TTL: variants seen among roughly 807,000 people sequenced by gnomAD.
The protein encoded by TTL is tubulin tyrosine ligase, also known as tubulin--tyrosine ligase.
In TTL, 10 loss-of-function variants were observed where a neutral mutation model predicts 41.1. That is an observed-to-expected ratio of 0.24 (90% CI 0.15 to 0.41). TTL has a LOEUF of 0.41. Among genes scored for constraint, TTL ranks in the 10% least tolerant of loss-of-function variants. The pLI, the probability that TTL is intolerant of heterozygous loss-of-function variation, is 1.00. For synonymous variants in TTL, 175 were observed against 175.5 expected (o/e 1.00, Z 0.02); for missense variants, 367 against 460.4 (o/e 0.80, Z 1.86).
At chr2:112,491,145 C>A (rs532971541) in intron 2 of TTL, among the ~76,000 whole-genome samples, 1 of 152,204 alleles carries the variant, frequency 6.6e-6, no homozygotes, top group African/African-American at 2.4e-5. Context: ...GCAACTGCCA[C>A]CACACCCGGC....
chr2:112,502,811 T>C, intron 4 of TTL, 101 bp from the exon 5 acceptor site: 1 of 1,382,408 alleles, frequency 7.2e-7, no homozygotes, highest in Non-Finnish European at 9.8e-7. Flanking sequence ...CTCCCACTCC[T>C]TACCTACCCC....
At chr2:112,488,682 T>G (rs1355865738) in intron 2 of TTL, among the ~76,000 whole-genome samples, 2 of 149,136 alleles carry the variant, frequency 1.3e-5, no homozygotes, top group Admixed American at 6.7e-5. Flanking sequence ...CGCTTGAACC[T>G]GAGAGGTGGA....
At chr2:112,522,725 C>G (rs529469052) in intron 6 of TTL, among the ~76,000 whole-genome samples, 4 of 152,336 alleles carry the variant, frequency 2.6e-5, no homozygotes, top group South Asian at 2.1e-4. Context: ...CTGCTCCCCC[C>G]AGAGACTAAG....
intron 5 of TTL, among the ~76,000 whole-genome samples, chr2:112,509,286 C>T (rs1343130764): frequency 6.7e-6 from 1 of 149,628 alleles, no homozygotes; most frequent in Non-Finnish European, 1.5e-5. Context: ...GTGCCCTGCC[C>T]CCAGAGGTGG....
chr2:112,488,130 C>G (rs1353447570), intron 2 of TTL, among the ~76,000 whole-genome samples: 1 of 152,264 alleles, frequency 6.6e-6, no homozygotes, highest in East Asian at 1.9e-4. Context: ...CAGGGAGTTT[C>G]GGAAATTTCA....
chr2:112,524,517 G>A (rs1399894969), intron 6 of TTL, among the ~76,000 whole-genome samples: 2 of 152,130 alleles, frequency 1.3e-5, no homozygotes, highest in Admixed American at 1.3e-4. Context: ...TCTCATTGTG[G>A]TTTTGATTTG....
intron 6 of TTL, among the ~76,000 whole-genome samples, chr2:112,523,500 G>A (rs1222301098): frequency 2.0e-5 from 3 of 152,014 alleles, no homozygotes; most frequent in African/African-American, 7.3e-5. Context: ...TCTGTCACTG[G>A]GGAGTCTTCC....
At chr2:112,520,484 G>C in intron 6 of TTL, 59 bp downstream of exon 6, 2 of 1,598,030 alleles carry the variant, frequency 1.3e-6, no homozygotes, top group South Asian at 2.2e-5. Context: ...AGTTGGGATA[G>C]TCTGTGGGTA....
intron 6 of TTL, among the ~76,000 whole-genome samples, chr2:112,527,473 C>T (rs912924388): frequency 2.6e-5 from 4 of 152,118 alleles, no homozygotes; most frequent in African/African-American, 9.7e-5. Flanking sequence ...TCTCTAAGGA[C>T]TTGCTTTATG....
intron 6 of TTL, among the ~76,000 whole-genome samples, chr2:112,521,499 A>G (rs2104474523): frequency 6.6e-6 from 1 of 152,330 alleles, no homozygotes; most frequent in South Asian, 2.1e-4. Flanking sequence ...TGATTTTTCA[A>G]AATGTTTAAG....
chr2:112,496,948 G>C (rs879395535), intron 3 of TTL, among the ~76,000 whole-genome samples: 2 of 151,862 alleles, frequency 1.3e-5, no homozygotes, highest in Non-Finnish European at 2.9e-5. Context: ...AGTATCCCGA[G>C]TAGCTGGGAC....
At chr2:112,515,165 C>G (rs901349823) in intron 5 of TTL, among the ~76,000 whole-genome samples, 5 of 152,142 alleles carry the variant, frequency 3.3e-5, no homozygotes, top group Non-Finnish European at 5.9e-5. Flanking sequence ...ACATCCTTAT[C>G]TGATAACTCC....
intron 6 of TTL, among the ~76,000 whole-genome samples, chr2:112,523,769 A>C (rs62157542): frequency 0.83 from 120,861 of 144,974 alleles, 48,791 homozygotes; most frequent in East Asian, 1. Context: ...AGTGGCAACC[A>C]GTTTTTTTTT....
intron 2 of TTL, among the ~76,000 whole-genome samples, chr2:112,490,988 C>T (rs916523945): frequency 6.6e-6 from 1 of 151,730 alleles, no homozygotes; most frequent in Non-Finnish European, 1.5e-5. Context: ...AATATCTATA[C>T]TATGAGTTTG....
At chr2:112,515,565 A>G (rs1010434957) in intron 5 of TTL, among the ~76,000 whole-genome samples, 6 of 152,206 alleles carry the variant, frequency 3.9e-5, no homozygotes, top group Non-Finnish European at 8.8e-5. Context: ...GTTTTCAGTT[A>G]TGCATGTACT....
intron 3 of TTL, among the ~76,000 whole-genome samples, chr2:112,498,920 A>G (rs1173321465): frequency 1.3e-5 from 2 of 152,096 alleles, no homozygotes; most frequent in African/African-American, 4.8e-5. Flanking sequence ...AATAGCTTAA[A>G]CATCTTGAAA....
intron 6 of TTL, among the ~76,000 whole-genome samples, chr2:112,524,705 T>C (rs1682328346): frequency 6.6e-6 from 1 of 152,234 alleles, no homozygotes; most frequent in African/African-American, 2.4e-5. Context: ...CTTTGTCAGA[T>C]GGGTAGATTG....
rs1008158385 is a variant in TTL at position 112,534,469 on chromosome 2, C to T, written c.*5674C>T. The stretch of plus-strand genomic sequence containing the variant: ...ACACAATCATGCTGACATCCAGCAG[C>T]AGAGCAGCCACCGTAGGGCTCAGAA... On this transcript the variant is annotated 3_prime_UTR_variant, in exon 7 of 7. Coordinates refer to ENST00000233336, the MANE Select transcript of TTL (RefSeq NM_153712.5). 2 of 152,806 alleles carry T rather than the reference C, an allele frequency of 1.3e-5. No homozygotes were observed. Among genetic ancestry groups the T allele is most frequent in the Non-Finnish European group, 1.5e-5 (1 of 68,090 alleles). The allele number at this position is 152,806 out of a possible 1,614,324, so 9.5% of individuals were successfully genotyped here.
Position 112,486,000 on chromosome 2 carries a change from G to C in TTL, c.236+5G>C. 1 of 1,613,442 alleles carries C rather than the reference G, an allele frequency of 6.2e-7. No homozygotes were observed. The highest frequency in any genetic ancestry group is 8.5e-7 in the Non-Finnish European group (1 of 1,179,694). ...TCGCAAAGCTTCTTTAGTGAAGTAAGTGTTAAGACCGCTGTTTTCCATTTT... is the reference window on the plus strand; with the variant it reads ...TCGCAAAGCTTCTTTAGTGAAGTAACTGTTAAGACCGCTGTTTTCCATTTT... On this transcript the variant is annotated splice_donor_5th_base_variant and intron_variant, in intron 2 of 6. Transcript: ENST00000233336.
Sources: gnomAD v4.1 joint callset for allele counts (sites outside exome capture counted in the v4.1 genomes callset) on GRCh38, gnomAD v4.1.1 for gene constraint, MANE v1.5 for transcripts, NCBI Gene and HGNC (gene_info 2026-07-23, HGNC 2026-07-21) for gene names.